Variants in ASB16 observed in about 807,000 individuals in gnomAD.
The protein encoded by ASB16 is ankyrin repeat and SOCS box containing 16.
Under a neutral mutation model 39.1 loss-of-function variants are expected in ASB16, and 44 were observed. The observed-to-expected ratio is 1.13, with a 90% CI of 0.88 to 1.45. The LOEUF is 1.45. Among genes scored for constraint, ASB16 ranks in the 40% most tolerant of loss-of-function variants. The pLI is 0.00. For synonymous variants in ASB16, 305 were observed against 286.7 expected (o/e 1.06, Z -0.64); for missense variants, 698 against 634.5 (o/e 1.10, Z -1.07).
At chr17:44,174,600 G>C (rs1227448810) in intron 2 of ASB16, among the ~76,000 whole-genome samples, 1 of 152,040 alleles carries the variant, frequency 6.6e-6, no homozygotes. Flanking sequence ...GGATTCAAGG[G>C]CTTCTGGAAG....
intron 2 of ASB16, among the ~76,000 whole-genome samples, chr17:44,174,188 C>G (rs190354263): frequency 6.6e-6 from 1 of 151,860 alleles, no homozygotes; most frequent in African/African-American, 2.4e-5. Flanking sequence ...TACAGGCTCC[C>G]GCCAACACGC....
chr17:44,175,028 G>A (rs2054275171), intron 2 of ASB16, among the ~76,000 whole-genome samples: 1 of 151,152 alleles, frequency 6.6e-6, no homozygotes, highest in African/African-American at 2.4e-5. Context: ...CTTCAACCCA[G>A]GAGGCAGAGA....
Position 44,172,045 on chromosome 17 carries a change from G to A in ASB16, c.302-1G>A. ...CTCCCAAAACTATTTGCTCTCCCTA[G>A]GGTTCTGGGTGCTGACCCCCAAGAC... On this transcript the variant is annotated splice_acceptor_variant, in intron 1 of 4. Transcript: ENST00000293414. LOFTEE classifies it high-confidence loss of function. 6.2e-7 allele frequency: 1 copy of A among 1,611,250 alleles called. No homozygotes were observed. Among genetic ancestry groups the A allele is most frequent in the East Asian group, 2.2e-5 (1 of 44,802 alleles).
rs922267240 is a variant in ASB16 at position 44,179,061 on chromosome 17, GGACA to G, written c.*672_*675del. ...TATACCTGTTCAGCCTCCTAAAGAGGGACAAACTCTGTCTCTGCGTGCACTGGCT... is the reference window on the plus strand; with the variant it reads ...TATACCTGTTCAGCCTCCTAAAGAGGAACTCTGTCTCTGCGTGCACTGGCT... On this transcript the variant is annotated 3_prime_UTR_variant, in exon 5 of 5. Transcript: ENST00000293414. 40 of 153,314 alleles carry G rather than the reference GGACA, an allele frequency of 2.6e-4. No homozygotes were observed. Among genetic ancestry groups the G allele is most frequent in the African/African-American group, 9.6e-4 (40 of 41,518 alleles). The allele number at this position is 153,314 out of a possible 1,614,324, so 9.5% of individuals were successfully genotyped here.
chr17:44,171,076 G>C lies in ASB16; in HGVS notation c.287G>C (p.Trp96Ser). The C allele has an allele frequency of 2.5e-6, 4 of 1,613,816 alleles. No homozygotes were observed. The South Asian group carries it at 4.4e-5, about 18-fold the overall frequency. Residue 96 changes from tryptophan (W) to serine (S), a missense_variant, in exon 1 of 5, where the codon TGG becomes TCG. Coordinates refer to ENST00000293414, the MANE Select transcript of ASB16 (RefSeq NM_080863.5). ...GAGACTGTGAGCAACCAGCTGGCCT[G>C]GTCGGCTGAACAGGGTAGGGGGCAC... ...IVETVSNQLA[W>S]SAEQGFWVLT...
rs2054302981 is a variant in ASB16 at position 44,176,992 on chromosome 17, C to G, written c.824C>G (p.Ala275Gly). Residue 275 changes from alanine (A) to glycine (G), a missense_variant, in exon 3 of 5, where the codon GCT (alanine) becomes GGT (glycine). By Grantham distance (60) the Ala-to-Gly change is moderately conservative. Coordinates refer to ENST00000293414, the MANE Select transcript of ASB16 (RefSeq NM_080863.5). Reference protein sequence around the residue: ...AAARRLLEAGADARAAGRKRH... With the variant: ...AAARRLLEAGGDARAAGRKRH... The stretch of plus-strand genomic sequence containing the variant: ...GCGCGCCGGCTCCTGGAGGCTGGAG[C>G]TGATGCCCGGGCGGCCGGGCGCAAG... The G allele has an allele frequency of 1.3e-6, 2 of 1,490,676 alleles. No individual in the cohort carries two copies. Among genetic ancestry groups the G allele is most frequent in the African/African-American group, 1.5e-5 (1 of 67,914 alleles). The allele number at this position is 1,490,676 out of a possible 1,614,324, so 92.3% of individuals were successfully genotyped here. A position where few individuals can be genotyped will look rare whatever the true frequency, so the allele number is the denominator to read the frequency against.
At chr17:44,176,584 C>A in intron 2 of ASB16, 154 bp from the exon 3 acceptor site, 3 of 1,119,722 alleles carry the variant, frequency 2.7e-6, no homozygotes, top group Non-Finnish European at 4.1e-6. Flanking sequence ...CCTTCCAATT[C>A]TGTTGTCTGT....
At position 44,172,221 on chromosome 17, in the gene ASB16, G is replaced by A. The variant is rs1252556792; in HGVS notation, c.477G>A (p.Val159=). Residue 159 remains valine, a synonymous_variant, in exon 2 of 5, where the codon GTG becomes GTA. Coordinates refer to ENST00000293414, the MANE Select transcript of ASB16 (RefSeq NM_080863.5). Reference sequence around the variant, plus strand: ...GTGCCCGAGCCCAGTTTGACTGTGTGCGGCTGCTGCTGACCTTCGGAGCCA... The same window carrying A: ...GTGCCCGAGCCCAGTTTGACTGTGTACGGCTGCTGCTGACCTTCGGAGCCA... ...EACARAQFDC[V]RLLLTFGAKA... 1.2e-6 allele frequency: 2 copies of A among 1,613,652 alleles called. No individual in the cohort carries two copies. Among genetic ancestry groups the A allele is most frequent in the Non-Finnish European group, 1.7e-6 (2 of 1,180,052 alleles).
Position 44,177,302 on chromosome 17 carries a change from G to A in ASB16, c.1062+72G>A, listed in dbSNP as rs1439178013. On this transcript the variant is annotated intron_variant, in intron 3 of 4. Transcript: ENST00000293414. Reference sequence around the variant, plus strand: ...CGCGGCTGGAACTGCTCCGCTTCTGGGGAAGACAGAGGGTCCAAGAGACTG... The same window carrying A: ...CGCGGCTGGAACTGCTCCGCTTCTGAGGAAGACAGAGGGTCCAAGAGACTG... 3 of 1,457,046 alleles carry A rather than the reference G, an allele frequency of 2.1e-6. No individual in the cohort carries two copies. The African/African-American group carries it at 4.3e-5, about 21-fold the overall frequency. 90.3% of individuals were successfully genotyped at this position (1,457,046 alleles called of 1,614,324 possible).
In ASB16 at chr17:44,172,201, C is replaced by T. The variant is rs780266713; in HGVS notation, c.457C>T (p.Arg153Ter). 75 of 1,613,518 alleles carry T rather than the reference C, an allele frequency of 4.6e-5. No homozygotes were observed. In the East Asian group the frequency reaches 8.5e-4, roughly 18 times the overall value. The change falls in exon 2 of 5, where the codon CGA (arginine) becomes TGA (stop). Residue 153 changes from arginine (R) to a stop codon, truncating the protein, a stop_gained. Coordinates refer to ENST00000293414, the MANE Select transcript of ASB16 (RefSeq NM_080863.5). LOFTEE classifies it high-confidence loss of function. ...GRAALHEACARAQFDCVRLLL... is the reference protein window; with the variant it reads ...GRAALHEACA ...CGCTGCCTTGCATGAGGCCTGTGCCCGAGCCCAGTTTGACTGTGTGCGGCT... is the reference window on the plus strand; with the variant it reads ...CGCTGCCTTGCATGAGGCCTGTGCCTGAGCCCAGTTTGACTGTGTGCGGCT...
At chr17:44,171,561 T>TTAAAAAAAAAA (rs2054242890) in intron 1 of ASB16, among the ~76,000 whole-genome samples, 3 of 97,684 alleles carry the variant, frequency 3.1e-5, no homozygotes, top group South Asian at 6.4e-4. Context: ...AGACCCTGCC[T>TTAAAAAAAAAA]AAAAAAAAAA....
intron 3 of ASB16, 119 bp downstream of exon 3, chr17:44,177,349 G>A: frequency 7.3e-7 from 1 of 1,375,550 alleles, no homozygotes; most frequent in South Asian, 1.5e-5. Flanking sequence ...TCAGTGGCCA[G>A]GGGGCTGTCC....
At chr17:44,175,769 C>T (rs1485072798) in intron 2 of ASB16, among the ~76,000 whole-genome samples, 23 of 152,134 alleles carry the variant, frequency 1.5e-4, no homozygotes, top group Admixed American at 1.5e-3. Flanking sequence ...AGTGTTCTGG[C>T]CTATAATTTT....
rs568896513 is a variant in ASB16 at position 44,170,801 on chromosome 17, G to A, written c.12G>A (p.Glu4=). MAR[E]TFPFTSSMLR... ...CCTGGGCCCCATCCATGGCAAGAGA[G>A]ACCTTCCCCTTCACCTCCTCCATGC... Residue 4 remains glutamate, a synonymous_variant, in exon 1 of 5, where the codon GAG becomes GAA. Coordinates refer to ENST00000293414, the MANE Select transcript of ASB16 (RefSeq NM_080863.5). 9.2e-5 allele frequency: 147 copies of A among 1,599,620 alleles called. No homozygotes were observed. The highest frequency in any genetic ancestry group is 3.6e-4 in the Admixed American group (21 of 59,010).
At chr17:44,172,848 C>T (rs2054253808) in intron 2 of ASB16, among the ~76,000 whole-genome samples, 1 of 150,916 alleles carries the variant, frequency 6.6e-6, no homozygotes, top group African/African-American at 2.4e-5. Context: ...AACTCCTGTC[C>T]TCAAGTGATC....
In ASB16 at chr17:44,179,050, C is replaced by T. The variant is rs1351320445; in HGVS notation, c.*660C>T. The T allele has an allele frequency of 6.5e-6, 1 of 153,678 alleles. No individual in the cohort carries two copies. Among genetic ancestry groups the T allele is most frequent in the Non-Finnish European group, 1.4e-5 (1 of 69,080 alleles). 9.5% of individuals were successfully genotyped at this position (153,678 alleles called of 1,614,324 possible). A position where few individuals can be genotyped will look rare whatever the true frequency, so the allele number is the denominator to read the frequency against. ...CCTGCCACCCTTATACCTGTTCAGC[C>T]TCCTAAAGAGGGACAAACTCTGTCT... is the stretch of plus-strand genomic sequence containing the variant. On this transcript the variant is annotated 3_prime_UTR_variant, in exon 5 of 5. Transcript: ENST00000293414.
chr17:44,178,432 A>T lies in ASB16; in HGVS notation c.*42A>T. 2 of 1,508,542 alleles carry T rather than the reference A, an allele frequency of 1.3e-6. No homozygotes were observed. Among genetic ancestry groups the T allele is most frequent in the Non-Finnish European group, 1.8e-6 (2 of 1,119,416 alleles). 93.4% of individuals were successfully genotyped at this position (1,508,542 alleles called of 1,614,324 possible). On this transcript the variant is annotated 3_prime_UTR_variant, in exon 5 of 5. Coordinates refer to ENST00000293414, the MANE Select transcript of ASB16 (RefSeq NM_080863.5). Reference sequence around the variant, plus strand: ...TCCCATGGTGTGTTCTGCCCCTCCCACCTGTCCCCGCCTCCAACTGCGGAG... The same window carrying T: ...TCCCATGGTGTGTTCTGCCCCTCCCTCCTGTCCCCGCCTCCAACTGCGGAG...
Position 44,171,058 on chromosome 17 carries a change from T to G in ASB16, c.269T>G (p.Val90Gly), listed in dbSNP as rs1438949633. 2 of 1,613,854 alleles carry G rather than the reference T, an allele frequency of 1.2e-6. No individual in the cohort carries two copies. Among genetic ancestry groups the G allele is most frequent in the South Asian group, 2.2e-5 (2 of 91,068 alleles). Reference protein sequence around the residue: ...EEAANMIVETVSNQLAWSAEQ... With the variant: ...EEAANMIVETGSNQLAWSAEQ... The stretch of plus-strand genomic sequence containing the variant: ...GCCGCCAACATGATTGTGGAGACTG[T>G]GAGCAACCAGCTGGCCTGGTCGGCT... Residue 90 changes from valine to glycine, a missense_variant, in exon 1 of 5, where the codon GTG becomes GGG. By Grantham distance (109) the Val-to-Gly change is moderately radical (BLOSUM62 -3). Transcript: ENST00000293414.
intron 2 of ASB16, among the ~76,000 whole-genome samples, chr17:44,175,664 A>G (rs555702327): frequency 3.3e-5 from 5 of 152,106 alleles, no homozygotes; most frequent in African/African-American, 9.7e-5. Context: ...CTTTTTAATT[A>G]TAAGTTACTG....
Sources: gnomAD v4.1 joint callset for allele counts (sites outside exome capture counted in the v4.1 genomes callset) on GRCh38, gnomAD v4.1.1 for gene constraint, MANE v1.5 for transcripts, NCBI Gene and HGNC (gene_info 2026-07-23, HGNC 2026-07-21) for gene names.